SNED1: variants seen among roughly 807,000 people sequenced by gnomAD.
The protein encoded by SNED1 is sushi, nidogen and EGF like domains 1, also known as sushi, nidogen and EGF-like domain-containing protein 1.
Under a neutral mutation model 166.7 loss-of-function variants are expected in SNED1, and 81 were observed. The ratio of observed to expected loss-of-function variants is 0.49; its 90% confidence interval spans 0.41 to 0.58. The LOEUF is 0.58. Ranked by LOEUF, SNED1 falls within the 20% of genes least tolerant of loss-of-function variation. The pLI is 0.00. For missense variants in SNED1, 1,604 were observed against 2,000.2 expected (o/e 0.80, Z 3.78); for synonymous variants, 762 against 822.0 (o/e 0.93, Z 1.25).
rs2062858954 is a variant in SNED1, at chr2:241,073,629, ATGC to A, written c.3916+269_3916+271del. On this transcript the variant is annotated intron_variant, in intron 27 of 31. Coordinates refer to ENST00000310397, the MANE Select transcript of SNED1 (RefSeq NM_001080437.3). This position sits in a 1 kb window ranked among gnomAD's most constrained non-coding sequence, Gnocchi z 6.6. ...GTCTGAGCTAGAGAGACTGGCTTTGATGCTGCCTCCCCTCCCCTCTCCTCCTTC... is the reference window on the plus strand; with the variant it reads ...GTCTGAGCTAGAGAGACTGGCTTTGATGCCTCCCCTCCCCTCTCCTCCTTC... The A allele has an allele frequency of 7.7e-6, 4 of 516,542 alleles. 1 individual carries two copies. The South Asian group carries it at 1.3e-4, about 17-fold the overall frequency. The allele number at this position is 516,542 out of a possible 1,614,324, so 32.0% of individuals were successfully genotyped here.
chr2:241,088,299 G>T, intron 30 of SNED1, 66 bp from the exon 31 acceptor site: 1 of 1,146,388 alleles, frequency 8.7e-7, no homozygotes. Context: ...CCTGGACTGA[G>T]GTAGCTGTAG....
intron 15 of SNED1, 96 bp from the exon 16 acceptor site, chr2:241,053,057 T>C (rs2061929170): frequency 2.5e-6 from 3 of 1,211,006 alleles, no homozygotes; most frequent in African/African-American, 3.0e-5. Context: ...GAGCAGGACA[T>C]CCCTGGGCCC....
intron 21 of SNED1, among the ~76,000 whole-genome samples, chr2:241,066,379 CA>C (rs1326466106): frequency 2.0e-5 from 3 of 152,176 alleles, no homozygotes; most frequent in Non-Finnish European, 4.4e-5. Flanking sequence ...AGTGGACGGA[CA>C]GGGGCAGGGC....
chr2:241,029,720 C>T (rs915271911), intron 1 of SNED1, among the ~76,000 whole-genome samples: 2 of 152,246 alleles, frequency 1.3e-5, no homozygotes, highest in Non-Finnish European at 2.9e-5. Flanking sequence ...CGTTATGGGG[C>T]TCCCCGCTGC....
intron 1 of SNED1, among the ~76,000 whole-genome samples, chr2:241,026,138 C>T (rs576053860): frequency 6.6e-6 from 1 of 150,976 alleles, no homozygotes; most frequent in South Asian, 2.1e-4. Flanking sequence ...GCCTCAGCCT[C>T]CTGAGTAGCT....
At chr2:241,082,234 C>T (rs370876961) in intron 28 of SNED1, 43 bp from the exon 29 acceptor site, 3 of 1,500,882 alleles carry the variant, frequency 2.0e-6, no homozygotes, top group African/African-American at 1.4e-5. Flanking sequence ...GCAGGAGGAG[C>T]CGTCAGGAGC....
At chr2:241,048,581 C>A in intron 9 of SNED1, 81 bp from the exon 10 acceptor site, 1 of 1,501,970 alleles carries the variant, frequency 6.7e-7, no homozygotes, top group Non-Finnish European at 9.0e-7. Flanking sequence ...GGAAGTTGGC[C>A]AGGAGCAGGG....
chr2:241,048,847 C>G (rs1167670241), intron 10 of SNED1, 81 bp downstream of exon 10: 2 of 1,304,620 alleles, frequency 1.5e-6, no homozygotes, highest in Admixed American at 2.0e-5. Flanking sequence ...CGGCCGGGGT[C>G]CGTAGGTCCA....
In SNED1 at chr2:241,063,984, T is replaced by C. The variant is rs532375809; in HGVS notation, c.2486-28T>C. 1.8e-5 allele frequency: 26 copies of C among 1,484,488 alleles called. No individual in the cohort carries two copies. In the East Asian group the frequency reaches 5.9e-4, roughly 34 times the overall value. 92.0% of individuals were successfully genotyped at this position (1,484,488 alleles called of 1,614,324 possible). ...CTCCCCCAGACTCCCCCCTTGCAGC[T>C]TGGGCCCACTCTCTGGGTGTTCTCC... On this transcript the variant is annotated intron_variant, in intron 18 of 31. Transcript: ENST00000310397.
At position 241,039,995 on chromosome 2, in the gene SNED1, G is replaced by A; in HGVS notation, c.1046-80G>A. 3 of 1,149,278 alleles carry A rather than the reference G, an allele frequency of 2.6e-6. No individual in the cohort carries two copies. The South Asian group carries it at 4.2e-5, about 16-fold the overall frequency. The allele number at this position is 1,149,278 out of a possible 1,614,324, so 71.2% of individuals were successfully genotyped here. A position where few individuals can be genotyped will look rare whatever the true frequency, so the allele number is the denominator to read the frequency against. The stretch of plus-strand genomic sequence containing the variant: ...GTAAGCCAGTTGGGGGTGGGGCTCA[G>A]TGTACGTCCCAGGGGTTTCTGTCCC... On this transcript the variant is annotated intron_variant, in intron 6 of 31. Transcript: ENST00000310397.
chr2:241,091,305 G>T lies in SNED1; in HGVS notation c.*2-333G>T, dbSNP rs962416160. ...GGAGAAAAGACCCAGAGTCGTTACC[G>T]GAAGGAGGAGGGCAGGGAAGAGGAA... On this transcript the variant is annotated intron_variant, in intron 31 of 31. Transcript: ENST00000310397. This position sits in a 1 kb window ranked among gnomAD's most constrained non-coding sequence, Gnocchi z 4.1. Among the ~76,000 whole-genome samples the T allele has an allele frequency of 6.6e-6, 1 of 152,228 alleles. No individual in the cohort carries two copies. The highest frequency in any genetic ancestry group is 2.1e-4 in the South Asian group (1 of 4,834).
rs768120517 is a variant in SNED1, at chr2:241,064,897, A to T, written c.2653A>T (p.Ser885Cys). 4.4e-6 allele frequency: 7 copies of T among 1,585,374 alleles called. No individual in the cohort carries two copies. Among genetic ancestry groups the T allele is most frequent in the Non-Finnish European group, 6.0e-6 (7 of 1,171,964 alleles). ...PCGGRGYCLASNGSHSCTCKV... is the reference protein window; with the variant it reads ...PCGGRGYCLACNGSHSCTCKV... ...TGGGGGCCGTGGCTATTGCCTGGCC[A>T]GCAACGGCTCCCACAGCTGCACCTG... Residue 885 changes from serine to cysteine, a missense_variant, in exon 20 of 32, where the codon AGC becomes TGC. Physicochemically the swap from Ser to Cys is moderately radical, Grantham distance 112. Transcript: ENST00000310397. The surrounding 1 kb of genome is among the most constrained non-coding windows in gnomAD (Gnocchi z 7.0).
chr2:241,028,469 G>A (rs11678885), intron 1 of SNED1, among the ~76,000 whole-genome samples: 23,655 of 152,142 alleles, frequency 0.16, 1,874 homozygotes, highest in East Asian at 0.17. Context: ...TTTTGTATAT[G>A]GTGTTAGGTA....
At chr2:241,087,688 T>C in intron 30 of SNED1, 4 of 1,369,498 alleles carry the variant, frequency 2.9e-6, no homozygotes, top group Non-Finnish European at 3.8e-6. Context: ...CAGCCGGGCA[T>C]GCTGGGTGCT....
At chr2:241,065,258 C>A in intron 20 of SNED1, 41 bp from the exon 21 acceptor site, 1 of 1,606,388 alleles carries the variant, frequency 6.2e-7, no homozygotes, top group Non-Finnish European at 8.5e-7. Flanking sequence ...TAGCTAACGG[C>A]TGACCAGTCC....
intron 16 of SNED1, among the ~76,000 whole-genome samples, chr2:241,061,280 C>T (rs568545397): frequency 6.6e-6 from 1 of 152,236 alleles, no homozygotes; most frequent in East Asian, 1.9e-4. Context: ...TATTCTATTT[C>T]ATTAGTAATC....
chr2:241,045,321 C>G (rs904634611), intron 8 of SNED1, among the ~76,000 whole-genome samples: 2 of 151,910 alleles, frequency 1.3e-5, no homozygotes, highest in Non-Finnish European at 2.9e-5. Context: ...ATTTATATGG[C>G]AAGAAAAAGA....
rs1047979531 is a variant in SNED1, at chr2:241,068,634, G to A, written c.3195-277G>A. Among the ~76,000 whole-genome samples, 7 of 151,880 alleles carry A rather than the reference G, an allele frequency of 4.6e-5. No individual in the cohort carries two copies. Among genetic ancestry groups the A allele is most frequent in the Non-Finnish European group, 1.0e-4 (7 of 67,966 alleles). On this transcript the variant is annotated intron_variant, in intron 22 of 31. Coordinates refer to ENST00000310397, the MANE Select transcript of SNED1 (RefSeq NM_001080437.3). This position sits in a 1 kb window ranked among gnomAD's most constrained non-coding sequence, Gnocchi z 5.3. ...ACAGTGACCACTTCCCCCTTCTCTGGCCTCTCCCAGCTGAACACCGGCCCT... is the reference window on the plus strand; with the variant it reads ...ACAGTGACCACTTCCCCCTTCTCTGACCTCTCCCAGCTGAACACCGGCCCT...
intron 1 of SNED1, among the ~76,000 whole-genome samples, chr2:241,020,393 C>T (rs557088762): frequency 6.6e-6 from 1 of 152,364 alleles, no homozygotes; most frequent in South Asian, 2.1e-4. Flanking sequence ...TCCAGCTTAG[C>T]CGGACCATCC....
Sources: gnomAD v4.1 joint callset for allele counts (sites outside exome capture counted in the v4.1 genomes callset) on GRCh38, gnomAD v4.1.1 for gene constraint, Gnocchi (gnomAD v3.1) non-coding constraint, MANE v1.5 for transcripts, NCBI Gene and HGNC (gene_info 2026-07-23, HGNC 2026-07-21) for gene names.